The following KLHL32 variants were observed in gnomAD, a reference collection of about 807,000 sequenced individuals.
KLHL32 encodes the protein kelch-like protein 32.
KLHL32 carries 35 observed loss-of-function variants against 64.8 expected under a neutral mutation model. The ratio of observed to expected loss-of-function variants is 0.54; its 90% CI spans 0.41 to 0.72. The LOEUF is 0.72. Among genes scored for constraint, KLHL32 ranks in the 30% least tolerant of loss-of-function variants. KLHL32 has a pLI of 0.00. For synonymous variants in KLHL32, 259 were observed against 281.0 expected, an observed-to-expected ratio of 0.92 and a Z score of 0.78; for missense variants, 589 against 768.5, an observed-to-expected ratio of 0.77 and a Z score of 2.76.
Position 96,933,145 on chromosome 6 carries a change from G to A in KLHL32, c.-66+8119G>A, listed in dbSNP as rs1040782232. 1.5e-4 allele frequency among the ~76,000 whole-genome samples: 23 copies of A among 152,198 alleles called. No individual in the cohort carries two copies. The South Asian group carries it at 1.9e-3, about 12-fold the overall frequency. On this transcript the variant is annotated intron_variant, in intron 1 of 10. Coordinates refer to ENST00000369261, the MANE Select transcript of KLHL32 (RefSeq NM_052904.4). ...TTAGTTACATGGTTTATCTGTGCAGGAGCATCACCCCAACATAACGCCTTT... is the reference window on the plus strand; with the variant it reads ...TTAGTTACATGGTTTATCTGTGCAGAAGCATCACCCCAACATAACGCCTTT...
intron 3 of KLHL32, among the ~76,000 whole-genome samples, chr6:96,999,999 T>C (rs1778843285): frequency 6.6e-6 from 1 of 152,030 alleles, no homozygotes; most frequent in Non-Finnish European, 1.5e-5. Flanking sequence ...GAAAAGAATG[T>C]CTGTGATCAG....
chr6:97,019,414 A>T (rs1781685262), intron 3 of KLHL32, among the ~76,000 whole-genome samples: 1 of 152,220 alleles, frequency 6.6e-6, no homozygotes, highest in Non-Finnish European at 1.5e-5. Flanking sequence ...GGAACACAGG[A>T]GCTAAAATGT....
At chr6:96,924,195 C>A (rs1768865416), upstream of KLHL32, among the ~76,000 whole-genome samples, 1 of 152,192 alleles carries the variant, frequency 6.6e-6, no homozygotes, top group Admixed American at 6.5e-5. Flanking sequence ...GGACTAGAGG[C>A]AACTTGAACT....
chr6:96,987,405 T>C (rs952053130), intron 3 of KLHL32, among the ~76,000 whole-genome samples: 1 of 152,194 alleles, frequency 6.6e-6, no homozygotes, highest in African/African-American at 2.4e-5. Context: ...TTCTGGTATG[T>C]TGTGTCTTTG....
intron 3 of KLHL32, among the ~76,000 whole-genome samples, chr6:97,021,903 G>A (rs1481331438): frequency 1.3e-5 from 2 of 150,756 alleles, no homozygotes; most frequent in South Asian, 2.1e-4. Flanking sequence ...AATGCAGGCC[G>A]CAATTATCTG....
At chr6:97,028,101 G>A (rs577070733) in intron 3 of KLHL32, among the ~76,000 whole-genome samples, 122 of 152,222 alleles carry the variant, frequency 8.0e-4, no homozygotes, top group African/African-American at 2.8e-3. Context: ...GCTGCAAGGC[G>A]GGGAGGACTG....
chr6:97,021,852 GCA>G (rs1491260032), intron 3 of KLHL32, among the ~76,000 whole-genome samples: 3 of 150,846 alleles, frequency 2.0e-5, no homozygotes, highest in Admixed American at 6.6e-5. Context: ...ACTGCTTATT[GCA>G]CAGTTTTTTC....
At chr6:96,902,409 G>A in the KLHL32 span, among the ~76,000 whole-genome samples, 1 of 152,146 alleles carries the variant, frequency 6.6e-6, no homozygotes, top group African/African-American at 2.4e-5. Flanking sequence ...TTTGAGAAGT[G>A]TCTGGGCATG....
intron 1 of KLHL32, among the ~76,000 whole-genome samples, chr6:96,945,714 G>A (rs367974948): frequency 6.6e-6 from 1 of 152,254 alleles, no homozygotes. Context: ...GGCATTCTTG[G>A]GCAGTGTCTT....
upstream of KLHL32, among the ~76,000 whole-genome samples, chr6:96,923,134 A>G (rs982584133): frequency 2.6e-5 from 4 of 152,190 alleles, no homozygotes; most frequent in African/African-American, 9.7e-5. Flanking sequence ...TGTAAATGCA[A>G]TTATAGTCTT....
intron 6 of KLHL32, among the ~76,000 whole-genome samples, chr6:97,086,117 T>A (rs1016474164): frequency 2.0e-5 from 3 of 152,226 alleles, no homozygotes; most frequent in African/African-American, 7.2e-5. Context: ...AGCCATTTTG[T>A]TACTTGTAGG....
At chr6:97,135,299 ATT>A (rs747635380) in intron 10 of KLHL32, among the ~76,000 whole-genome samples, 13 of 109,566 alleles carry the variant, frequency 1.2e-4, no homozygotes, top group Non-Finnish European at 1.4e-4. Context: ...AAATTTGTTA[ATT>A]TTTTTTTTTT....
chr6:97,002,337 G>A (rs1440644736), intron 3 of KLHL32, among the ~76,000 whole-genome samples: 1 of 152,070 alleles, frequency 6.6e-6, no homozygotes, highest in Non-Finnish European at 1.5e-5. Context: ...TTGCTTCTGG[G>A]AATCCCTAGT....
At chr6:96,955,437 G>C (rs547250165) in intron 1 of KLHL32, among the ~76,000 whole-genome samples, 3 of 151,844 alleles carry the variant, frequency 2.0e-5, no homozygotes, top group Admixed American at 1.3e-4. Context: ...TTGATCTTGG[G>C]GGTTTATTGT....
At chr6:97,035,793 A>G (rs1784208357) in intron 3 of KLHL32, among the ~76,000 whole-genome samples, 1 of 152,092 alleles carries the variant, frequency 6.6e-6, no homozygotes, top group Non-Finnish European at 1.5e-5. Flanking sequence ...ATTTAATTAT[A>G]ATGTATCCTG....
intron 6 of KLHL32, 53 bp downstream of exon 6, chr6:97,085,394 G>T: frequency 6.8e-7 from 1 of 1,465,738 alleles, no homozygotes. Flanking sequence ...TGCCGTGATT[G>T]GAAGTTAAAG....
chr6:97,097,154 T>C (rs982687047), intron 6 of KLHL32, among the ~76,000 whole-genome samples: 1 of 152,158 alleles, frequency 6.6e-6, no homozygotes, highest in Non-Finnish European at 1.5e-5. Flanking sequence ...TAATTTCAGA[T>C]TGTAAATGAA....
At chr6:97,087,532 T>C (rs1220156767) in intron 6 of KLHL32, among the ~76,000 whole-genome samples, 2 of 152,158 alleles carry the variant, frequency 1.3e-5, no homozygotes, top group East Asian at 3.8e-4. Flanking sequence ...CTTTGACAAA[T>C]CCCTATCCCA....
intron 3 of KLHL32, among the ~76,000 whole-genome samples, chr6:97,003,145 C>T (rs1779245413): frequency 6.6e-6 from 1 of 152,168 alleles, no homozygotes; most frequent in African/African-American, 2.4e-5. Context: ...TTCTCTGTAA[C>T]CTTGCCAGCA....
Sources: gnomAD v4.1 joint callset for allele counts (sites outside exome capture counted in the v4.1 genomes callset) on GRCh38, gnomAD v4.1.1 for gene constraint, MANE v1.5 for transcripts, NCBI Gene and HGNC (gene_info 2026-07-23, HGNC 2026-07-21) for gene names.